Variants in CFAP97D2 observed in about 807,000 individuals in gnomAD.
The protein encoded by CFAP97D2 is CFAP97 domain containing 2, also known as uncharacterized protein CFAP97D2.
intron 4 of CFAP97D2, among the ~76,000 whole-genome samples, chr13:114,220,213 C>T (rs565611743): frequency 3.3e-5 from 5 of 152,196 alleles, no homozygotes; most frequent in African/African-American, 9.6e-5. Flanking sequence ...CCCTATGGTT[C>T]GGCCAGCTGC....
chr13:114,211,335 G>T lies in CFAP97D2; in HGVS notation c.291-577G>T, dbSNP rs2080965771. Reference sequence around the variant, plus strand: ...CTTCATGCTCCCCAGTCCAGCCCCAGCCTGTCCACAGGGGTCTTTCTCAAG... The same window carrying T: ...CTTCATGCTCCCCAGTCCAGCCCCATCCTGTCCACAGGGGTCTTTCTCAAG... On this transcript the variant is annotated intron_variant, in intron 3 of 4. Coordinates refer to ENST00000646158, the Ensembl canonical transcript of CFAP97D2. This position sits in a 1 kb window ranked among gnomAD's most constrained non-coding sequence, Gnocchi z 4.2. Among the ~76,000 whole-genome samples the T allele has an allele frequency of 6.6e-6, 1 of 152,134 alleles. No individual in the cohort carries two copies. Among genetic ancestry groups the T allele is most frequent in the African/African-American group, 2.4e-5 (1 of 41,418 alleles).
chr13:114,202,375 C>T (rs1163649652), intron 3 of CFAP97D2, among the ~76,000 whole-genome samples: 1 of 152,172 alleles, frequency 6.6e-6, no homozygotes, highest in Non-Finnish European at 1.5e-5. Context: ...GCATGAGGAG[C>T]TCTCTCAACC....
intron 3 of CFAP97D2, among the ~76,000 whole-genome samples, chr13:114,206,582 C>T (rs1248229931): frequency 6.6e-6 from 1 of 152,124 alleles, no homozygotes; most frequent in African/African-American, 2.4e-5. Context: ...CACAAAAGAC[C>T]ACATATTAGA....
At chr13:114,182,650 G>C (rs201458477) in intron 1 of CFAP97D2, among the ~76,000 whole-genome samples, 1 of 149,694 alleles carries the variant, frequency 6.7e-6, no homozygotes, top group African/African-American at 2.5e-5. Flanking sequence ...GAGACTAGAG[G>C]ATGGCGATGA....
chr13:114,182,472 C>G (rs551524224), intron 1 of CFAP97D2, among the ~76,000 whole-genome samples: 4 of 151,800 alleles, frequency 2.6e-5, no homozygotes, highest in Non-Finnish European at 5.9e-5. Flanking sequence ...ACTAATCCAC[C>G]TCAGCACAGA....
chr13:114,188,411 T>G (rs1266185876), intron 1 of CFAP97D2, among the ~76,000 whole-genome samples: 1 of 152,154 alleles, frequency 6.6e-6, no homozygotes, highest in Non-Finnish European at 1.5e-5. Context: ...AAGGGAAATT[T>G]AGGGCATTGA....
At chr13:114,219,078 G>A (rs538399619) in intron 4 of CFAP97D2, among the ~76,000 whole-genome samples, 2 of 152,338 alleles carry the variant, frequency 1.3e-5, no homozygotes, top group East Asian at 3.9e-4. Flanking sequence ...ACTACCATCA[G>A]AGTGAACAGG....
In CFAP97D2 at chr13:114,203,531, G is replaced by T. The variant is rs926096549; in HGVS notation, c.290+3088G>T. 6.6e-6 allele frequency among the ~76,000 whole-genome samples: 1 copy of T among 152,204 alleles called. No homozygotes were observed. The highest frequency in any genetic ancestry group is 1.5e-5 in the Non-Finnish European group (1 of 68,046). ...TTAGTTCAGCTGAAACTGGGTACTT[G>T]TCACATGACCAGGAAAATCTAGGCA... is the stretch of plus-strand genomic sequence containing the variant. On this transcript the variant is annotated intron_variant, in intron 3 of 4. Coordinates refer to ENST00000646158, the Ensembl canonical transcript of CFAP97D2. This position sits in a 1 kb window ranked among gnomAD's most constrained non-coding sequence, Gnocchi z 4.3.
rs1379197241 is a variant in CFAP97D2 at position 114,207,495 on chromosome 13, C to G, written c.291-4417C>G. On this transcript the variant is annotated intron_variant, in intron 3 of 4. Transcript: ENST00000646158. This position sits in a 1 kb window ranked among gnomAD's most constrained non-coding sequence, Gnocchi z 4.9. ...GCATTAGATTTTCATAAGGAACACG[C>G]AGCTTAGATCTCTCGAACGTGCAGT... Among the ~76,000 whole-genome samples, 1 of 152,106 alleles carries G rather than the reference C, an allele frequency of 6.6e-6. No homozygotes were observed. Among genetic ancestry groups the G allele is most frequent in the South Asian group, 2.1e-4 (1 of 4,826 alleles).
rs546426825 is a variant in CFAP97D2 at position 114,187,728 on chromosome 13, G to A, written c.90+8308G>A. On this transcript the variant is annotated intron_variant, in intron 1 of 4. Coordinates refer to ENST00000646158, the Ensembl canonical transcript of CFAP97D2. This position sits in a 1 kb window ranked among gnomAD's most constrained non-coding sequence, Gnocchi z 4.2. ...CAGTAAGGACATAGTTGAACTCAAC[G>A]TCATCATCAATCAACTAGATATAAT... 1.2e-4 allele frequency among the ~76,000 whole-genome samples: 18 copies of A among 152,192 alleles called. No individual in the cohort carries two copies. The highest frequency in any genetic ancestry group is 3.4e-3 in the Middle Eastern group (1 of 294).
rs1020679767 is a variant in CFAP97D2 at position 114,187,810 on chromosome 13, C to T, written c.90+8390C>T. Among the ~76,000 whole-genome samples, 3 of 152,148 alleles carry T rather than the reference C, an allele frequency of 2.0e-5. No individual in the cohort carries two copies. The highest frequency in any genetic ancestry group is 7.2e-5 in the African/African-American group (3 of 41,428). On this transcript the variant is annotated intron_variant, in intron 1 of 4. Coordinates refer to ENST00000646158, the Ensembl canonical transcript of CFAP97D2. This position sits in a 1 kb window ranked among gnomAD's most constrained non-coding sequence, Gnocchi z 4.2. ...GGATAATACTCATTCTTCTCAAGCT[C>T]ACATGGAATATTCACCAAGATAGAT...
intron 3 of CFAP97D2, among the ~76,000 whole-genome samples, chr13:114,206,798 A>T (rs1419947842): frequency 6.6e-6 from 1 of 152,180 alleles, no homozygotes; most frequent in Non-Finnish European, 1.5e-5. Context: ...ATGGTATGTG[A>T]ACTGTATCTC....
chr13:114,205,216 T>A (rs1341309110), intron 3 of CFAP97D2, among the ~76,000 whole-genome samples: 1 of 152,222 alleles, frequency 6.6e-6, no homozygotes, highest in Admixed American at 6.5e-5. Context: ...CCTCCAGGGC[T>A]GGGAGGAATG....
At chr13:114,217,066 T>C (rs1054817091) in intron 4 of CFAP97D2, among the ~76,000 whole-genome samples, 1 of 152,268 alleles carries the variant, frequency 6.6e-6, no homozygotes, top group African/African-American at 2.4e-5. Context: ...TTTTCATGTG[T>C]CTGTTGGCTG....
rs546111429 is a variant in CFAP97D2 at position 114,211,698 on chromosome 13, G to A, written c.291-214G>A. Among the ~76,000 whole-genome samples, 8 of 152,318 alleles carry A rather than the reference G, an allele frequency of 5.3e-5. No individual in the cohort carries two copies. Among genetic ancestry groups the A allele is most frequent in the South Asian group, 2.1e-4 (1 of 4,830 alleles). On this transcript the variant is annotated intron_variant, in intron 3 of 4. Coordinates refer to ENST00000646158, the Ensembl canonical transcript of CFAP97D2. The surrounding 1 kb of genome is among the most constrained non-coding windows in gnomAD (Gnocchi z 4.2). The stretch of plus-strand genomic sequence containing the variant: ...GCCCCTCCCGCCGTGCAAAGCGAGC[G>A]CGCCGGGGCTGAGTGTGCCCTTCGC...
At chr13:114,217,368 GA>G (rs2080998771) in intron 4 of CFAP97D2, among the ~76,000 whole-genome samples, 1 of 152,162 alleles carries the variant, frequency 6.6e-6, no homozygotes, top group South Asian at 2.1e-4. Flanking sequence ...AACAGGTTCT[GA>G]AATTGAGGCA....
chr13:114,197,348 T>A (rs2080892896), intron 2 of CFAP97D2, among the ~76,000 whole-genome samples: 1 of 152,254 alleles, frequency 6.6e-6, no homozygotes, highest in Non-Finnish European at 1.5e-5. Flanking sequence ...TTGTCAGTTT[T>A]AAGGTCTCTG....
chr13:114,181,270 G>C (rs1443205245), intron 1 of CFAP97D2, among the ~76,000 whole-genome samples: 1 of 152,010 alleles, frequency 6.6e-6, no homozygotes, highest in African/African-American at 2.4e-5. Context: ...GGAGGTTGTG[G>C]TGAAGAACAG....
At chr13:114,221,918 T>C (rs1290043386) in intron 4 of CFAP97D2, among the ~76,000 whole-genome samples, 3 of 152,224 alleles carry the variant, frequency 2.0e-5, no homozygotes, top group Admixed American at 2.0e-4. Flanking sequence ...CTGATGTTCA[T>C]AGCAGCACAG....
Sources: allele counts gnomAD v4.1 joint callset (sites outside exome capture counted in the v4.1 genomes callset), GRCh38; gene constraint gnomAD v4.1.1; non-coding constraint Gnocchi (gnomAD v3.1); transcripts MANE v1.5; gene names NCBI Gene and HGNC (gene_info 2026-07-23, HGNC 2026-07-21).